PRKG2: variants seen among roughly 807,000 people sequenced by gnomAD.
PRKG2 encodes protein kinase cGMP-dependent 2, also known as cGMP-dependent protein kinase 2.
Under a neutral mutation model 97.2 loss-of-function variants are expected in PRKG2, and 33 were observed. The observed-to-expected ratio is 0.34, with a 90% CI of 0.26 to 0.45. The LOEUF is 0.45. PRKG2 is among the 20% of genes least tolerant of loss of function. PRKG2 has a pLI of 1.00. For synonymous variants in PRKG2, 330 were observed against 321.8 expected, an observed-to-expected ratio of 1.03 and a Z score of -0.27; for missense variants, 638 against 900.0, an observed-to-expected ratio of 0.71 and a Z score of 3.73.
intron 5 of PRKG2, among the ~76,000 whole-genome samples, chr4:81,167,467 CA>C (rs1173219228): frequency 4.7e-5 from 7 of 149,500 alleles, no homozygotes; most frequent in East Asian, 3.9e-4. Flanking sequence ...AGATACCAGA[CA>C]GGGGGAAAAA....
intron 14 of PRKG2, among the ~76,000 whole-genome samples, chr4:81,126,293 T>C (rs1287554551): frequency 6.6e-6 from 1 of 152,218 alleles, no homozygotes; most frequent in African/African-American, 2.4e-5. Flanking sequence ...GGCATTTGAA[T>C]TGGTTCCAAC....
chr4:81,195,190 T>C (rs1364158879), intron 2 of PRKG2, among the ~76,000 whole-genome samples: 3 of 152,136 alleles, frequency 2.0e-5, no homozygotes, highest in Admixed American at 6.6e-5. Context: ...TTAACAAGTA[T>C]TGATTAACAA....
At chr4:81,092,792 C>T (rs1741712311) in intron 17 of PRKG2, among the ~76,000 whole-genome samples, 1 of 152,068 alleles carries the variant, frequency 6.6e-6, no homozygotes, top group African/African-American at 2.4e-5. Context: ...TTGCTCAAAC[C>T]AAAGCTCTTG....
chr4:81,144,160 C>A, intron 10 of PRKG2, 72 bp downstream of exon 10: 3 of 1,387,176 alleles, frequency 2.2e-6, no homozygotes, highest in Non-Finnish European at 1.0e-6. Context: ...GCAAGTCACA[C>A]CCTCTGTCCC....
Position 81,146,390 on chromosome 4 carries a change from T to C in PRKG2, c.1155-2060A>G, listed in dbSNP as rs147968314. Among the ~76,000 whole-genome samples, 4 of 152,172 alleles carry C rather than the reference T, an allele frequency of 2.6e-5. No homozygotes were observed. In the East Asian group the frequency reaches 5.8e-4, roughly 22 times the overall value. On this transcript the variant is annotated intron_variant, in intron 9 of 18. Coordinates refer to ENST00000264399, the MANE Select transcript of PRKG2 (RefSeq NM_006259.3). ...AACTAATGAACTTTTTTTTTGAAATTTGTCCCAACAGTCAGTGATAGAGAT... is the reference window on the plus strand; with the variant it reads ...AACTAATGAACTTTTTTTTTGAAATCTGTCCCAACAGTCAGTGATAGAGAT...
intron 13 of PRKG2, among the ~76,000 whole-genome samples, chr4:81,136,490 A>G (rs1027591964): frequency 2.0e-5 from 3 of 152,122 alleles, no homozygotes; most frequent in Non-Finnish European, 2.9e-5. Context: ...TCTAACGCCA[A>G]CCCACGTTCT....
At chr4:81,198,786 T>A (rs1396498633) in intron 2 of PRKG2, among the ~76,000 whole-genome samples, 1 of 152,234 alleles carries the variant, frequency 6.6e-6, no homozygotes, top group Non-Finnish European at 1.5e-5. Flanking sequence ...GACAGATATG[T>A]AATAGCCAAC....
intron 1 of PRKG2, among the ~76,000 whole-genome samples, chr4:81,208,742 G>C (rs1307554672): frequency 6.6e-6 from 1 of 152,132 alleles, no homozygotes; most frequent in Non-Finnish European, 1.5e-5. Context: ...GTGGCCGGGA[G>C]TAAGGGACTC....
chr4:81,114,302 A>G (rs1281396875), intron 14 of PRKG2, among the ~76,000 whole-genome samples: 2 of 151,610 alleles, frequency 1.3e-5, no homozygotes, highest in African/African-American at 4.8e-5. Context: ...TGCAACACAG[A>G]TGTTCAACCT....
intron 14 of PRKG2, 59 bp from the exon 15 acceptor site, chr4:81,110,670 G>A: frequency 6.3e-7 from 1 of 1,584,678 alleles, no homozygotes; most frequent in South Asian, 1.1e-5. Flanking sequence ...TCCTCTTTAA[G>A]CCTCCCTCTT....
intron 2 of PRKG2, among the ~76,000 whole-genome samples, chr4:81,202,758 G>A: frequency 6.6e-6 from 1 of 151,914 alleles, no homozygotes; most frequent in East Asian, 1.9e-4. Flanking sequence ...TTATAGCAGA[G>A]CTAATAATTT....
At chr4:81,201,827 T>A (rs1266204955) in intron 2 of PRKG2, among the ~76,000 whole-genome samples, 1 of 152,174 alleles carries the variant, frequency 6.6e-6, no homozygotes, top group Non-Finnish European at 1.5e-5. Flanking sequence ...TAAGTGTTCA[T>A]CAGAAATACT....
rs544554247 is a variant in PRKG2, at chr4:81,094,426, G to C, written c.2127-1974C>G. Among the ~76,000 whole-genome samples the C allele has an allele frequency of 4.8e-4, 73 of 152,052 alleles. 1 individual carries two copies. Among genetic ancestry groups the C allele is most frequent in the Non-Finnish European group, 1.0e-4 (7 of 67,988 alleles). On this transcript the variant is annotated intron_variant, in intron 17 of 18. Coordinates refer to ENST00000264399, the MANE Select transcript of PRKG2 (RefSeq NM_006259.3). The stretch of plus-strand genomic sequence containing the variant: ...TTAGAAGAAATTTGTTTGTTTGTTT[G>C]TTTGTTTTTTAATTCTAAGAATATA...
intron 7 of PRKG2, among the ~76,000 whole-genome samples, chr4:81,153,002 A>C (rs2110059597): frequency 6.6e-6 from 1 of 152,338 alleles, no homozygotes; most frequent in East Asian, 1.9e-4. Context: ...GTGCTCAAGA[A>C]TTGGCCCTTC....
chr4:81,195,916 G>T (rs1401952243), intron 2 of PRKG2, among the ~76,000 whole-genome samples: 1 of 152,158 alleles, frequency 6.6e-6, no homozygotes, highest in Non-Finnish European at 1.5e-5. Context: ...AGAAGCAAAA[G>T]GCTTGGTGAA....
rs140919882 is a variant in PRKG2, at chr4:81,212,723, T to C, written c.-14+2213A>G. On this transcript the variant is annotated intron_variant, in intron 1 of 18. Transcript: ENST00000264399. ...ATTGATACATAAATAGAGGCTGAAG[T>C]TGATGAATTGGAGGCAAGTGCCCAG... Among the ~76,000 whole-genome samples, 4 of 152,164 alleles carry C rather than the reference T, an allele frequency of 2.6e-5. No homozygotes were observed. The East Asian group carries it at 7.7e-4, about 29-fold the overall frequency.
At position 81,162,825 on chromosome 4, in the gene PRKG2, G is replaced by C. The variant is rs190969856; in HGVS notation, c.912+4336C>G. 1.8e-3 allele frequency among the ~76,000 whole-genome samples: 268 copies of C among 152,212 alleles called. 1 individual carries two copies. Among genetic ancestry groups the C allele is most frequent in the African/African-American group, 6.3e-3 (261 of 41,540 alleles). On this transcript the variant is annotated intron_variant, in intron 6 of 18. Transcript: ENST00000264399. ...TGCTATAGCTGCGGGGATTGTGTTCGAAGTTCCTATTTCAGACAGTCTGCT... is the reference window on the plus strand; with the variant it reads ...TGCTATAGCTGCGGGGATTGTGTTCCAAGTTCCTATTTCAGACAGTCTGCT...
intron 14 of PRKG2, among the ~76,000 whole-genome samples, chr4:81,117,411 A>C (rs1160079382): frequency 6.6e-6 from 1 of 152,162 alleles, no homozygotes; most frequent in Non-Finnish European, 1.5e-5. Context: ...GTAAAATACC[A>C]AATAGAAGTA....
At chr4:81,090,033 T>G (rs546539625) in intron 18 of PRKG2, among the ~76,000 whole-genome samples, 4 of 152,276 alleles carry the variant, frequency 2.6e-5, no homozygotes, top group African/African-American at 2.4e-5. Context: ...CAATAGTAAC[T>G]ACCTGGCATG....
Sources: allele counts gnomAD v4.1 joint callset (sites outside exome capture counted in the v4.1 genomes callset), GRCh38; gene constraint gnomAD v4.1.1; transcripts MANE v1.5; gene names NCBI Gene and HGNC (gene_info 2026-07-23, HGNC 2026-07-21).